The following TMEM219 variants were observed in gnomAD, a reference collection of about 807,000 sequenced individuals.
TMEM219 encodes the protein insulin-like growth factor-binding protein 3 receptor.
In TMEM219, 18 loss-of-function variants were observed where a neutral mutation model predicts 17.9. That is an observed-to-expected ratio of 1.01 (90% CI 0.70 to 1.49). The LOEUF (loss-of-function observed/expected upper bound fraction) is 1.49, where lower values mean the gene tolerates loss of function less well. Ranked by LOEUF, TMEM219 falls within the 40% of genes most tolerant of loss-of-function variation. The pLI is 0.00. For missense variants in TMEM219, 288 were observed against 292.4 expected, an observed-to-expected ratio of 0.99 and a Z score of 0.11; for synonymous variants, 113 against 124.0, an observed-to-expected ratio of 0.91 and a Z score of 0.59.
Position 29,968,044 on chromosome 16 carries a change from G to A in TMEM219, c.375G>A (p.Leu125=). ...TCACAGGATCTTCTGCAGGACAACT[G>A]GTCCTTATCACAGCCAGGGTGACCA... ...MGLKGSSAGQ[L]VLITARVTTE... The change falls in exon 4 of 6, where the codon CTG becomes CTA. Residue 125 remains leucine, a synonymous_variant. Coordinates refer to ENST00000279396, the MANE Select transcript of TMEM219 (RefSeq NM_001083613.2). The A allele has an allele frequency of 1.9e-6, 3 of 1,613,988 alleles. No homozygotes were observed. The highest frequency in any genetic ancestry group is 2.5e-6 in the Non-Finnish European group (3 of 1,179,902).
intron 3 of TMEM219, 49 bp from the exon 4 acceptor site, chr16:29,967,976 C>G: frequency 7.1e-7 from 1 of 1,416,902 alleles, no homozygotes; most frequent in Non-Finnish European, 1.0e-6. Context: ...ACAGAGGCTC[C>G]CGCGTCACCT....
At chr16:29,963,860 G>C (rs1403603343) in intron 3 of TMEM219, among the ~76,000 whole-genome samples, 1 of 137,306 alleles carries the variant, frequency 7.3e-6, no homozygotes, top group Non-Finnish European at 1.5e-5. Flanking sequence ...TCCAGCCTGG[G>C]TGACAGAGCA....
In TMEM219 at chr16:29,971,533, A is replaced by T; in HGVS notation, c.711A>T (p.Arg237Ser). The change falls in exon 5 of 6, where the codon AGA becomes AGT. Residue 237 changes from arginine (R) to serine (S), a missense_variant. Coordinates refer to ENST00000279396, the MANE Select transcript of TMEM219 (RefSeq NM_001083613.2). ...CGCGCCGGGAGTCCCACTGGTCTAGAACCCGGCTCTGAGGGCACTGGCCTA... is the reference window on the plus strand; with the variant it reads ...CGCGCCGGGAGTCCCACTGGTCTAGTACCCGGCTCTGAGGGCACTGGCCTA... ...FHPRRESHWSRTRL is the reference protein window; with the variant it reads ...FHPRRESHWSSTRL The T allele has an allele frequency of 6.2e-7, 1 of 1,613,270 alleles. No homozygotes were observed. The highest frequency in any genetic ancestry group is 2.2e-5 in the East Asian group (1 of 44,800).
In TMEM219 at chr16:29,963,099, T is replaced by C. The variant is rs759928224; in HGVS notation, c.-37-8T>C. Reference sequence around the variant, plus strand: ...GCTCTTGTCCCATTCTCCCTCCCTGTCTTCCAGCAGGCTCTCCCCGGAGGC... The same window carrying C: ...GCTCTTGTCCCATTCTCCCTCCCTGCCTTCCAGCAGGCTCTCCCCGGAGGC... On this transcript the variant is annotated splice_region_variant and splice_polypyrimidine_tract_variant and intron_variant, in intron 1 of 5. Transcript: ENST00000279396. 23 of 1,599,100 alleles carry C rather than the reference T, an allele frequency of 1.4e-5. No homozygotes were observed. The highest frequency in any genetic ancestry group is 1.8e-5 in the Non-Finnish European group (21 of 1,176,348).
At chr16:29,962,516 C>A (rs1052786350) in intron 1 of TMEM219, among the ~76,000 whole-genome samples, 1 of 152,152 alleles carries the variant, frequency 6.6e-6, no homozygotes, top group Non-Finnish European at 1.5e-5. Flanking sequence ...CAGTTTCCCT[C>A]ACAGTATTTT....
intron 3 of TMEM219, among the ~76,000 whole-genome samples, 159 bp from the exon 4 acceptor site, chr16:29,967,866 G>C (rs1283679411): frequency 6.6e-6 from 1 of 151,706 alleles, no homozygotes; most frequent in African/African-American, 2.4e-5. Context: ...GGCGGAGCTT[G>C]CAGTGAGCCG....
chr16:29,970,890 G>A (rs2150867105), intron 4 of TMEM219, among the ~76,000 whole-genome samples: 1 of 151,222 alleles, frequency 6.6e-6, no homozygotes, highest in Admixed American at 6.6e-5. Context: ...GTTGCAGTGA[G>A]CCGAGATTGC....
chr16:29,970,679 T>C (rs2069273738), intron 4 of TMEM219, among the ~76,000 whole-genome samples: 1 of 152,224 alleles, frequency 6.6e-6, no homozygotes, highest in East Asian at 1.9e-4. Context: ...CATGGAGTTA[T>C]GATGGGGTTT....
intron 3 of TMEM219, among the ~76,000 whole-genome samples, chr16:29,964,635 T>C (rs937072568): frequency 2.0e-5 from 3 of 151,812 alleles, no homozygotes; most frequent in African/African-American, 7.3e-5. Flanking sequence ...CACTCTAGCC[T>C]GGGCAACAGA....
chr16:29,965,374 A>T (rs539419565), intron 3 of TMEM219, among the ~76,000 whole-genome samples: 5 of 152,204 alleles, frequency 3.3e-5, no homozygotes, highest in South Asian at 2.1e-4. Flanking sequence ...ATAGATATAT[A>T]ATAGTTTTAT....
chr16:29,972,709 GC>G (rs893703226), intron 5 of TMEM219, among the ~76,000 whole-genome samples: 25 of 152,306 alleles, frequency 1.6e-4, no homozygotes, highest in African/African-American at 5.8e-4. Context: ...GGGCCTAAAT[GC>G]CCCAACCACC....
Position 29,969,516 on chromosome 16 carries a change from A to AT in TMEM219, c.585+1273dup, listed in dbSNP as rs879373341. Among the ~76,000 whole-genome samples, 610 of 147,364 alleles carry AT rather than the reference A, an allele frequency of 4.1e-3. 2 individuals carry two copies. The highest frequency in any genetic ancestry group is 0.014 in the African/African-American group (556 of 40,360). On this transcript the variant is annotated intron_variant, in intron 4 of 5. Transcript: ENST00000279396. ...GGCGACCCCATTTCTTAAAAAAAAC[A>AT]TTTTTTTTTTTAATTAGCAGGGTGT... is the stretch of plus-strand genomic sequence containing the variant.
At chr16:29,967,452 A>AT (rs1567230750) in intron 3 of TMEM219, among the ~76,000 whole-genome samples, 1 of 152,058 alleles carries the variant, frequency 6.6e-6, no homozygotes, top group Non-Finnish European at 1.5e-5. Context: ...CTACAAAAAA[A>AT]TTTTTTTAAA....
chr16:29,968,065 G>A lies in TMEM219; in HGVS notation c.396G>A (p.Val132=), dbSNP rs777439565. The A allele has an allele frequency of 1.2e-6, 2 of 1,614,140 alleles. No individual in the cohort carries two copies. Among genetic ancestry groups the A allele is most frequent in the Non-Finnish European group, 1.7e-6 (2 of 1,180,014 alleles). ...AGQLVLITAR[V]TTERTAGTCL... ...AACTGGTCCTTATCACAGCCAGGGT[G>A]ACCACAGAAAGGACTGCAGGAACCT... Residue 132 remains valine, a synonymous_variant, in exon 4 of 6, where the codon GTG becomes GTA. Coordinates refer to ENST00000279396, the MANE Select transcript of TMEM219 (RefSeq NM_001083613.2).
In TMEM219 at chr16:29,971,439, T is replaced by C; in HGVS notation, c.617T>C (p.Leu206Pro). Residue 206 changes from leucine to proline, a missense_variant, in exon 5 of 6, where the codon CTG becomes CCG. Coordinates refer to ENST00000279396, the MANE Select transcript of TMEM219 (RefSeq NM_001083613.2). ...CTGGCTCTGTGTGGCTCCAGGCTGC[T>C]GGTCTTGGGCTCCTTCCTGCTTCTC... ...EELALCGSRL[L>P]VLGSFLLLFC... 6.2e-7 allele frequency: 1 copy of C among 1,614,164 alleles called. No individual in the cohort carries two copies. Among genetic ancestry groups the C allele is most frequent in the Non-Finnish European group, 8.5e-7 (1 of 1,180,010 alleles).
At position 29,972,949 on chromosome 16, in the gene TMEM219, G is replaced by A. The variant is rs946590690; in HGVS notation, c.*34-1G>A. 1.1e-4 allele frequency: 17 copies of A among 152,152 alleles called. No homozygotes were observed. Among genetic ancestry groups the A allele is most frequent in the Admixed American group, 1.0e-3 (16 of 15,278 alleles). 9.4% of individuals were successfully genotyped at this position (152,152 alleles called of 1,614,324 possible). A position where few individuals can be genotyped will look rare whatever the true frequency, so the allele number is the denominator to read the frequency against. On this transcript the variant is annotated splice_acceptor_variant, in intron 5 of 5. Transcript: ENST00000279396. LOFTEE classifies it low-confidence loss of function (3UTR_SPLICE). ...TGTTGTTTTATTTTCTTTCTCCCCA[G>A]GTGTGAATCAACTTCTTGGGCCTTG...
intron 5 of TMEM219, among the ~76,000 whole-genome samples, chr16:29,972,341 T>C (rs2069307173): frequency 1.3e-5 from 2 of 152,232 alleles, no homozygotes; most frequent in South Asian, 4.1e-4. Flanking sequence ...GCACCTTCTG[T>C]CTTCCATTTA....
chr16:29,964,775 T>C (rs1331162437), intron 3 of TMEM219, among the ~76,000 whole-genome samples: 1 of 150,032 alleles, frequency 6.7e-6, no homozygotes, highest in African/African-American at 2.5e-5. Flanking sequence ...ACCTCACCAA[T>C]GATGACCTTG....
intron 4 of TMEM219, among the ~76,000 whole-genome samples, chr16:29,970,546 A>G (rs1263642485): frequency 2.0e-5 from 3 of 151,754 alleles, no homozygotes; most frequent in South Asian, 2.1e-4. Flanking sequence ...GGATGGTCTC[A>G]ATCTCCTGAC....
Sources: gnomAD v4.1 joint callset for allele counts (sites outside exome capture counted in the v4.1 genomes callset) on GRCh38, gnomAD v4.1.1 for gene constraint, MANE v1.5 for transcripts, NCBI Gene and HGNC (gene_info 2026-07-23, HGNC 2026-07-21) for gene names.